FYTTD1: variants seen among roughly 807,000 people sequenced by gnomAD.
FYTTD1 encodes the protein forty-two-three domain containing 1, also known as UAP56-interacting factor.
In FYTTD1, 22 loss-of-function variants were observed where a neutral mutation model predicts 40.9. The ratio of observed to expected loss-of-function variants is 0.54; its 90% CI spans 0.38 to 0.77. The LOEUF (loss-of-function observed/expected upper bound fraction) is 0.77, where lower values mean the gene tolerates loss of function less well. Among genes scored for constraint, FYTTD1 ranks in the 30% least tolerant of loss-of-function variants. The pLI is 0.00. For synonymous variants in FYTTD1, 140 were observed against 137.9 expected (o/e 1.01, Z -0.10); for missense variants, 351 against 392.2 (o/e 0.90, Z 0.89).
chr3:197,781,912 C>G lies in FYTTD1; in HGVS notation c.*3C>G, dbSNP rs377383238. The G allele has an allele frequency of 1.3e-6, 2 of 1,564,332 alleles. No individual in the cohort carries two copies. Among genetic ancestry groups the G allele is most frequent in the Admixed American group, 1.8e-5 (1 of 56,886 alleles). The stretch of plus-strand genomic sequence containing the variant: ...GCCGCTTTGTCACCGTGGGATAGGT[C>G]CCATGTCAAAGGAACTTTTGAGTGA... On this transcript the variant is annotated 3_prime_UTR_variant, in exon 9 of 9. Transcript: ENST00000241502.
chr3:197,749,738 C>A, upstream of FYTTD1: 3 of 608,144 alleles, frequency 4.9e-6, no homozygotes, highest in South Asian at 3.2e-5. Context: ...ACAGCGGCTG[C>A]AATGCCTCGT....
intron 1 of FYTTD1, chr3:197,750,363 G>T: frequency 8.9e-7 from 1 of 1,124,174 alleles, no homozygotes; most frequent in Non-Finnish European, 1.1e-6. Context: ...AGGGTCGCGG[G>T]GGGCGTCTCT....
At chr3:197,777,923 G>C (rs1270741199) in intron 7 of FYTTD1, among the ~76,000 whole-genome samples, 1 of 151,876 alleles carries the variant, frequency 6.6e-6, no homozygotes, top group African/African-American at 2.4e-5. Context: ...TGTTCCTTAG[G>C]CTGGTCTCTA....
intron 1 of FYTTD1, among the ~76,000 whole-genome samples, chr3:197,751,994 C>G (rs1729072611): frequency 1.3e-5 from 2 of 152,122 alleles, no homozygotes; most frequent in South Asian, 4.1e-4. Flanking sequence ...GCCTCAGCCT[C>G]CCGAGTAGCT....
chr3:197,777,712 A>G (rs1214975494), intron 7 of FYTTD1, among the ~76,000 whole-genome samples: 3 of 151,944 alleles, frequency 2.0e-5, no homozygotes, highest in Middle Eastern at 3.2e-3. Context: ...GTTCTATTCA[A>G]CCATCTCTTG....
chr3:197,756,622 A>G, intron 2 of FYTTD1, 65 bp downstream of exon 2: 1 of 1,396,352 alleles, frequency 7.2e-7, no homozygotes, highest in South Asian at 1.2e-5. Context: ...TACTGTCTTT[A>G]GCATATGCTT....
intron 1 of FYTTD1, among the ~76,000 whole-genome samples, chr3:197,756,076 C>G (rs191417160): frequency 6.6e-6 from 1 of 152,000 alleles, no homozygotes; most frequent in Non-Finnish European, 1.5e-5. Flanking sequence ...AAATTGGAGG[C>G]TTCTGTGATT....
At chr3:197,780,418 C>T (rs1261571639) in intron 8 of FYTTD1, among the ~76,000 whole-genome samples, 5 of 152,156 alleles carry the variant, frequency 3.3e-5, no homozygotes, top group Non-Finnish European at 7.3e-5. Flanking sequence ...TGCTTTGTTA[C>T]AAAGGCTAGG....
At chr3:197,774,770 GAT>G (rs1729826545) in intron 6 of FYTTD1, among the ~76,000 whole-genome samples, 3 of 150,518 alleles carry the variant, frequency 2.0e-5, no homozygotes, top group Non-Finnish European at 2.9e-5. Flanking sequence ...AGCATAGCTC[GAT>G]GGCCAGTGCA....
intron 1 of FYTTD1, chr3:197,750,721 G>A: frequency 1.0e-6 from 1 of 985,478 alleles, no homozygotes; most frequent in Non-Finnish European, 1.2e-6. Context: ...GCGCTGCCTA[G>A]AAAAGCACAG....
intron 1 of FYTTD1, 61 bp downstream of exon 1, chr3:197,750,135 C>G (rs904575989): frequency 2.3e-6 from 3 of 1,324,066 alleles, no homozygotes; most frequent in Non-Finnish European, 3.1e-6. Flanking sequence ...AAGCCGGCGG[C>G]GCGGTTTGTG....
chr3:197,779,782 G>C (rs111669971), intron 8 of FYTTD1, among the ~76,000 whole-genome samples: 45 of 145,992 alleles, frequency 3.1e-4, no homozygotes, highest in African/African-American at 1.1e-3. Context: ...ACCACACCTG[G>C]GGATACAGGC....
chr3:197,752,642 TACAC>T (rs1177198567), intron 1 of FYTTD1, among the ~76,000 whole-genome samples: 1 of 152,156 alleles, frequency 6.6e-6, no homozygotes, highest in Non-Finnish European at 1.5e-5. Flanking sequence ...TTTTTATACA[TACAC>T]TATATATATG....
chr3:197,749,833 G>A (rs1580436291), upstream of FYTTD1: 4 of 510,078 alleles, frequency 7.8e-6, no homozygotes, highest in East Asian at 7.9e-5. Context: ...CGCCCCGCCC[G>A]CAGCCGCGGG....
rs138737763 is a variant in FYTTD1 at position 197,762,263 on chromosome 3, T to C, written c.235+5706T>C. Among the ~76,000 whole-genome samples the C allele has an allele frequency of 4.8e-5, 7 of 145,960 alleles. No homozygotes were observed. In the East Asian group the frequency reaches 1.3e-3, roughly 28 times the overall value. ...AAGAGATCCAAAAACAATATACCAC[T>C]GTTCTTACTAAATATTTTTATTTGT... is the stretch of plus-strand genomic sequence containing the variant. On this transcript the variant is annotated intron_variant, in intron 2 of 8. Transcript: ENST00000241502.
chr3:197,768,386 G>A (rs888742637), intron 2 of FYTTD1, 53 bp from the exon 3 acceptor site: 17 of 1,334,568 alleles, frequency 1.3e-5, no homozygotes, highest in East Asian at 1.2e-4. Context: ...TCCTGTGACC[G>A]TCCCAATTGA....
chr3:197,776,471 C>T (rs991220225), intron 6 of FYTTD1, among the ~76,000 whole-genome samples: 1 of 149,972 alleles, frequency 6.7e-6, no homozygotes, highest in Non-Finnish European at 1.5e-5. Context: ...GATCCACCTG[C>T]CTCTGCCTCC....
At chr3:197,779,855 A>G (rs1235828651) in intron 8 of FYTTD1, among the ~76,000 whole-genome samples, 2 of 145,280 alleles carry the variant, frequency 1.4e-5, no homozygotes, top group Admixed American at 6.9e-5. Context: ...CACACACACT[A>G]CACCTGGAGA....
At chr3:197,772,643 T>TA (rs1209013328) in intron 4 of FYTTD1, among the ~76,000 whole-genome samples, 4 of 152,178 alleles carry the variant, frequency 2.6e-5, no homozygotes, top group Non-Finnish European at 5.9e-5. Context: ...AGATGAAGTC[T>TA]GTGTCGCTGG....
Sources: gnomAD v4.1 joint callset for allele counts (sites outside exome capture counted in the v4.1 genomes callset) on GRCh38, gnomAD v4.1.1 for gene constraint, MANE v1.5 for transcripts, NCBI Gene and HGNC (gene_info 2026-07-23, HGNC 2026-07-21) for gene names.